CPPED1: variants seen among roughly 807,000 people sequenced by gnomAD.
CPPED1 encodes serine/threonine-protein phosphatase CPPED1.
Under a neutral mutation model 28.0 loss-of-function variants are expected in CPPED1, and 28 were observed. That is an observed-to-expected ratio of 1.00 (90% CI 0.74 to 1.37). The LOEUF is 1.37. Ranked by LOEUF, CPPED1 falls within the 40% of genes most tolerant of loss-of-function variation. The pLI is 0.00. For synonymous variants in CPPED1, 198 were observed against 180.2 expected, an observed-to-expected ratio of 1.10 and a Z score of -0.79; for missense variants, 504 against 416.5, an observed-to-expected ratio of 1.21 and a Z score of -1.83.
At chr16:12,794,526 T>C (rs2080615482) in intron 1 of CPPED1, among the ~76,000 whole-genome samples, 1 of 136,220 alleles carries the variant, frequency 7.3e-6, no homozygotes, top group Admixed American at 8.8e-5. Context: ...TTGTCCTAAG[T>C]ACAGGTTGCA....
intron 3 of CPPED1, among the ~76,000 whole-genome samples, chr16:12,686,151 T>C (rs2079931716): frequency 6.6e-6 from 1 of 152,206 alleles, no homozygotes; most frequent in African/African-American, 2.4e-5. Context: ...TACTATCCTA[T>C]ACTTGTTAGA....
At chr16:12,749,474 G>T (rs774203904) in intron 2 of CPPED1, among the ~76,000 whole-genome samples, 3 of 152,304 alleles carry the variant, frequency 2.0e-5, no homozygotes, top group Non-Finnish European at 4.4e-5. Context: ...CACATCTGCA[G>T]TTCTGTCTTC....
chr16:12,737,213 A>AATT (rs968809331), intron 2 of CPPED1, among the ~76,000 whole-genome samples: 4 of 149,792 alleles, frequency 2.7e-5, no homozygotes, highest in Non-Finnish European at 4.5e-5. Context: ...TAATAATAAT[A>AATT]AAAAAAATCA....
At chr16:12,712,097 T>C (rs2080083169) in intron 2 of CPPED1, among the ~76,000 whole-genome samples, 1 of 152,208 alleles carries the variant, frequency 6.6e-6, no homozygotes, top group Non-Finnish European at 1.5e-5. Context: ...CACGTTTACC[T>C]GACAACTCGT....
At chr16:12,720,409 A>G (rs1202285873) in intron 2 of CPPED1, 1 of 154,356 alleles carries the variant, frequency 6.5e-6, no homozygotes, top group African/African-American at 2.4e-5. Flanking sequence ...CCCGCACACC[A>G]AAGGATTTGT....
At chr16:12,770,764 G>A (rs1452904467) in intron 2 of CPPED1, among the ~76,000 whole-genome samples, 1 of 152,032 alleles carries the variant, frequency 6.6e-6, no homozygotes, top group African/African-American at 2.4e-5. Context: ...AGAGGTTGCA[G>A]TGAGCCGAGA....
chr16:12,780,139 G>A (rs999766499), intron 2 of CPPED1, among the ~76,000 whole-genome samples: 1 of 152,122 alleles, frequency 6.6e-6, no homozygotes, highest in African/African-American at 2.4e-5. Flanking sequence ...GGGGCCATGT[G>A]AGCCAGAGGG....
In CPPED1 at chr16:12,705,736, C is replaced by A. The variant is rs2080046646; in HGVS notation, c.290-687G>T. The stretch of plus-strand genomic sequence containing the variant: ...TCACGCCATTGCACTCCAGCCTGGG[C>A]AACAAGAGCGAATCTCTGCCTTAGC... On this transcript the variant is annotated intron_variant, in intron 2 of 3. Transcript: ENST00000381774. 2.6e-5 allele frequency among the ~76,000 whole-genome samples: 4 copies of A among 152,092 alleles called. 1 individual carries two copies. The South Asian group carries it at 8.3e-4, about 32-fold the overall frequency.
At chr16:12,692,257 G>C (rs1325946812) in intron 3 of CPPED1, among the ~76,000 whole-genome samples, 1 of 152,126 alleles carries the variant, frequency 6.6e-6, no homozygotes, top group Non-Finnish European at 1.5e-5. Context: ...TCAGAGACAG[G>C]CTAACTTTAA....
chr16:12,776,496 G>A (rs890236796), intron 2 of CPPED1, among the ~76,000 whole-genome samples: 3 of 152,190 alleles, frequency 2.0e-5, no homozygotes, highest in African/African-American at 7.2e-5. Context: ...CCTGGTGGGA[G>A]GTAACTGAAC....
intron 2 of CPPED1, among the ~76,000 whole-genome samples, chr16:12,747,936 A>T (rs1395929234): frequency 6.6e-6 from 1 of 152,222 alleles, no homozygotes; most frequent in Non-Finnish European, 1.5e-5. Context: ...AACCTAAAAG[A>T]GGAACACCAC....
chr16:12,686,367 G>A (rs752204699), intron 3 of CPPED1, among the ~76,000 whole-genome samples: 4 of 151,936 alleles, frequency 2.6e-5, no homozygotes, highest in Non-Finnish European at 5.9e-5. Context: ...CCATGTCCAC[G>A]AATCCATTTG....
intron 2 of CPPED1, among the ~76,000 whole-genome samples, chr16:12,713,592 C>G (rs1002138236): frequency 6.6e-6 from 1 of 152,124 alleles, no homozygotes; most frequent in Non-Finnish European, 1.5e-5. Context: ...AACTCCTGAT[C>G]TCAGGTGATC....
At chr16:12,705,907 T>C (rs189914070) in intron 2 of CPPED1, among the ~76,000 whole-genome samples, 145 of 152,322 alleles carry the variant, frequency 9.5e-4, no homozygotes, top group African/African-American at 3.4e-3. Flanking sequence ...ATTATCCTTT[T>C]CTTTCGGCCT....
chr16:12,766,256 T>TATATATATATATATAGAGAGAGAG, intron 2 of CPPED1, among the ~76,000 whole-genome samples: 1 of 134,254 alleles, frequency 7.4e-6, no homozygotes, highest in African/African-American at 3.5e-5. Flanking sequence ...TATATATATA[T>TATATATATATATATAGAGAGAGAG]AGAGAGAGAG....
In CPPED1 at chr16:12,767,380, T is replaced by C. The variant is rs369367087; in HGVS notation, c.289+13805A>G. The stretch of plus-strand genomic sequence containing the variant: ...ATGCCTGCCCAAAATAGTGAAGGCA[T>C]ATCTTCTTCATTCAGTCACCCTCAC... On this transcript the variant is annotated intron_variant, in intron 2 of 3. Transcript: ENST00000381774. 3.9e-5 allele frequency among the ~76,000 whole-genome samples: 6 copies of C among 152,152 alleles called. No individual in the cohort carries two copies. The South Asian group carries it at 1.2e-3, about 31-fold the overall frequency.
At chr16:12,705,814 C>T (rs1036004889) in intron 2 of CPPED1, among the ~76,000 whole-genome samples, 3 of 152,198 alleles carry the variant, frequency 2.0e-5, no homozygotes, top group Non-Finnish European at 2.9e-5. Flanking sequence ...GCAGAACATG[C>T]GTTCTTTCAC....
chr16:12,707,596 A>G (rs532677406), intron 2 of CPPED1, among the ~76,000 whole-genome samples: 115 of 152,308 alleles, frequency 7.6e-4, no homozygotes, highest in African/African-American at 2.7e-3. Flanking sequence ...TAACTGAGGC[A>G]GGTATGGAAA....
intron 2 of CPPED1, among the ~76,000 whole-genome samples, chr16:12,766,256 T>TATATATATATATATATATATAGAGAG: frequency 1.5e-5 from 2 of 134,254 alleles, no homozygotes; most frequent in African/African-American, 7.0e-5. Context: ...TATATATATA[T>TATATATATATATATATATATAGAGAG]AGAGAGAGAG....
Sources: gnomAD v4.1 joint callset for allele counts (sites outside exome capture counted in the v4.1 genomes callset) on GRCh38, gnomAD v4.1.1 for gene constraint, MANE v1.5 for transcripts, NCBI Gene and HGNC (gene_info 2026-07-23, HGNC 2026-07-21) for gene names.